Variants in GPR158 observed in about 807,000 individuals in gnomAD.
GPR158 encodes G protein-coupled receptor 158.
A neutral mutation model predicts 78.2 loss-of-function variants in GPR158; 30 were observed. The observed-to-expected ratio is 0.38, with a 90% confidence interval of 0.29 to 0.52. GPR158 has a LOEUF of 0.52. GPR158 is among the 20% of genes least tolerant of loss of function. GPR158 has a pLI of 0.83. For missense variants in GPR158, 1,463 were observed against 1,523.5 expected, an observed-to-expected ratio of 0.96 and a Z score of 0.66; for synonymous variants, 581 against 591.1, an observed-to-expected ratio of 0.98 and a Z score of 0.25.
At chr10:25,231,375 T>G (rs779506299) in intron 2 of GPR158, among the ~76,000 whole-genome samples, 14 of 152,212 alleles carry the variant, frequency 9.2e-5, no homozygotes, top group Non-Finnish European at 2.1e-4. Flanking sequence ...TAATCTAATT[T>G]GCCTCTTCTG....
chr10:25,440,222 G>A (rs1178493536), intron 4 of GPR158, among the ~76,000 whole-genome samples: 1 of 152,192 alleles, frequency 6.6e-6, no homozygotes, highest in Non-Finnish European at 1.5e-5. Context: ...GAAAAGGAAT[G>A]GAATGAATAG....
intron 8 of GPR158, among the ~76,000 whole-genome samples, chr10:25,592,166 A>G (rs914127339): frequency 2.0e-5 from 3 of 151,960 alleles, no homozygotes; most frequent in East Asian, 3.9e-4. Flanking sequence ...TTATATGCTT[A>G]AAAAAATTAT....
chr10:25,408,396 G>C (rs146515088), intron 3 of GPR158, among the ~76,000 whole-genome samples: 211 of 152,244 alleles, frequency 1.4e-3, no homozygotes, highest in African/African-American at 4.9e-3. Flanking sequence ...GTTTTTGGTT[G>C]TTTCTGATGG....
chr10:25,272,211 A>C (rs1459414465), intron 2 of GPR158, among the ~76,000 whole-genome samples: 1 of 152,210 alleles, frequency 6.6e-6, no homozygotes, highest in Non-Finnish European at 1.5e-5. Flanking sequence ...CCAAACAGTT[A>C]AAATAATTTG....
intron 2 of GPR158, among the ~76,000 whole-genome samples, chr10:25,337,338 G>A (rs932756897): frequency 1.3e-5 from 2 of 151,856 alleles, no homozygotes; most frequent in Non-Finnish European, 2.9e-5. Context: ...TTTCCTCAAG[G>A]GTAAACACAT....
chr10:25,508,416 G>C (rs1836041948), intron 5 of GPR158, among the ~76,000 whole-genome samples: 1 of 152,142 alleles, frequency 6.6e-6, no homozygotes, highest in African/African-American at 2.4e-5. Flanking sequence ...TATGCAGTAG[G>C]CAAACCTATA....
chr10:25,340,774 A>G (rs1311133212), intron 2 of GPR158, among the ~76,000 whole-genome samples: 1 of 152,066 alleles, frequency 6.6e-6, no homozygotes, highest in African/African-American at 2.4e-5. Flanking sequence ...GAGGTCCTAC[A>G]GGAAGAGCAG....
chr10:25,300,137 C>G (rs1854571615), intron 2 of GPR158, among the ~76,000 whole-genome samples: 3 of 152,222 alleles, frequency 2.0e-5, no homozygotes, highest in Admixed American at 2.0e-4. Context: ...ATATCTTACA[C>G]TTCTGTAGAT....
At position 25,412,432 on chromosome 10, in the gene GPR158, T is replaced by C. The variant is rs753089436; in HGVS notation, c.1294T>C (p.Phe432Leu). Reference protein sequence around the residue: ...SFQALCMLLDFVSMLVVYHFR... With the variant: ...SFQALCMLLDLVSMLVVYHFR... ...CCAAGCCCTGTGTATGCTGCTCGAC[T>C]TCGTTAGCATGCTGGTGGTCTACCA... is the stretch of plus-strand genomic sequence containing the variant. Residue 432 changes from phenylalanine to leucine, a missense_variant, in exon 4 of 11, where the codon TTC (phenylalanine) becomes CTC (leucine). Physicochemically the swap from Phe to Leu is conservative, Grantham distance 22. Coordinates refer to ENST00000376351, the MANE Select transcript of GPR158 (RefSeq NM_020752.3). The C allele has an allele frequency of 1.2e-6, 2 of 1,614,082 alleles. No homozygotes were observed. Among genetic ancestry groups the C allele is most frequent in the South Asian group, 2.2e-5 (2 of 91,088 alleles).
intron 2 of GPR158, among the ~76,000 whole-genome samples, chr10:25,295,840 T>A (rs1854504650): frequency 6.6e-6 from 1 of 152,170 alleles, no homozygotes; most frequent in Non-Finnish European, 1.5e-5. Context: ...CCTAAAATAC[T>A]TTTCCCCATA....
chr10:25,370,946 C>A, intron 2 of GPR158, among the ~76,000 whole-genome samples: 2 of 150,080 alleles, frequency 1.3e-5, no homozygotes, highest in Non-Finnish European at 3.0e-5. Flanking sequence ...CTCTTTTGAT[C>A]TTTGCTGGTT....
chr10:25,468,215 C>G (rs1835451314), intron 5 of GPR158, among the ~76,000 whole-genome samples: 1 of 152,042 alleles, frequency 6.6e-6, no homozygotes, highest in Non-Finnish European at 1.5e-5. Flanking sequence ...GGTATTTCCC[C>G]TCTCTCTGCT....
At chr10:25,275,892 G>T (rs1854177203) in intron 2 of GPR158, among the ~76,000 whole-genome samples, 1 of 152,048 alleles carries the variant, frequency 6.6e-6, no homozygotes, top group Non-Finnish European at 1.5e-5. Flanking sequence ...GACTCCCAGA[G>T]CACTGATGTC....
At chr10:25,466,429 T>G (rs1835424978) in intron 4 of GPR158, 1 of 417,466 alleles carries the variant, frequency 2.4e-6, no homozygotes, top group Non-Finnish European at 4.3e-6. Context: ...CAAAATCTCA[T>G]GCAGCCACTG....
At chr10:25,421,877 A>C (rs1311638744) in intron 4 of GPR158, among the ~76,000 whole-genome samples, 1 of 152,172 alleles carries the variant, frequency 6.6e-6, no homozygotes, top group Non-Finnish European at 1.5e-5. Flanking sequence ...CAAAGGCAAA[A>C]CAATTCTCTA....
intron 1 of GPR158, among the ~76,000 whole-genome samples, chr10:25,197,481 C>T (rs546436371): frequency 5.9e-5 from 9 of 151,980 alleles, no homozygotes; most frequent in Middle Eastern, 3.4e-3. Flanking sequence ...CTTTAAGATC[C>T]GTATGAATAA....
At chr10:25,538,984 TAG>T (rs1385306602) in intron 5 of GPR158, among the ~76,000 whole-genome samples, 1 of 152,196 alleles carries the variant, frequency 6.6e-6, no homozygotes, top group Non-Finnish European at 1.5e-5. Context: ...CCTCTTCTCA[TAG>T]AGAGATGGGA....
At chr10:25,231,060 A>G (rs2130695085) in intron 2 of GPR158, among the ~76,000 whole-genome samples, 1 of 152,316 alleles carries the variant, frequency 6.6e-6, no homozygotes, top group East Asian at 1.9e-4. Context: ...TGTACTGGTA[A>G]TACTTTAAAT....
intron 2 of GPR158, among the ~76,000 whole-genome samples, chr10:25,228,904 AG>A (rs1446295457): frequency 1.3e-5 from 2 of 152,028 alleles, no homozygotes; most frequent in Non-Finnish European, 2.9e-5. Flanking sequence ...TTGTGGTGGC[AG>A]GTGCCTAAAA....
Sources: allele counts gnomAD v4.1 joint callset (sites outside exome capture counted in the v4.1 genomes callset), GRCh38; gene constraint gnomAD v4.1.1; transcripts MANE v1.5; gene names NCBI Gene and HGNC (gene_info 2026-07-23, HGNC 2026-07-21).